The following DNAJC16 variants were observed in gnomAD, a reference collection of about 807,000 sequenced individuals.
The protein encoded by DNAJC16 is dnaJ homolog subfamily C member 16.
Under a neutral mutation model 92.7 loss-of-function variants are expected in DNAJC16, and 76 were observed. That is an observed-to-expected ratio of 0.82 (90% CI 0.68 to 0.99). DNAJC16 has a LOEUF of 0.99. DNAJC16 is among the 50% of genes least tolerant of loss of function. The pLI is 0.00. For synonymous variants in DNAJC16, 328 were observed against 358.7 expected, an observed-to-expected ratio of 0.91 and a Z score of 0.97; for missense variants, 869 against 942.4, an observed-to-expected ratio of 0.92 and a Z score of 1.02.
intron 3 of DNAJC16, among the ~76,000 whole-genome samples, chr1:15,535,514 G>C (rs1710759013): frequency 6.6e-6 from 1 of 152,178 alleles, no homozygotes; most frequent in South Asian, 2.1e-4. Flanking sequence ...ACTTGGGGAG[G>C]CTGAGGCATG....
rs1470354384 is a variant in DNAJC16, at chr1:15,536,482, C to G, written c.242C>G (p.Ser81Ter). ...TTTTTTCTTCCTTTATAGATTCTTT[C>G]AAATGAAGAAAAGAGATCAAATTAT... ...IQISKAYEIL[S>*]NEEKRSNYDQ... is the part of the protein sequence containing the mutation. The change falls in exon 4 of 15, where the codon TCA becomes TGA. Residue 81 changes from serine to a stop codon, truncating the protein, a stop_gained. Coordinates refer to ENST00000375847, the MANE Select transcript of DNAJC16 (RefSeq NM_015291.4). LOFTEE classifies it high-confidence loss of function. 6.4e-7 allele frequency: 1 copy of G among 1,573,960 alleles called. No individual in the cohort carries two copies. The highest frequency in any genetic ancestry group is 8.6e-7 in the Non-Finnish European group (1 of 1,164,278).
At chr1:15,534,130 A>G (rs1710724378) in intron 2 of DNAJC16, 107 bp from the exon 3 acceptor site, 2 of 1,051,894 alleles carry the variant, frequency 1.9e-6, no homozygotes, top group Non-Finnish European at 2.7e-6. Context: ...TTTCCTAACA[A>G]AATAGCCCTC....
At chr1:15,560,157 C>T (rs1638660010) in intron 8 of DNAJC16, 1 of 151,612 alleles carries the variant, frequency 6.6e-6, no homozygotes, top group Admixed American at 6.6e-5. Flanking sequence ...ACCAAATTGT[C>T]AGATGTGCCA....
intron 4 of DNAJC16, 85 bp downstream of exon 4, chr1:15,536,899 G>A (rs1710804273): frequency 5.8e-6 from 7 of 1,216,604 alleles, no homozygotes; most frequent in Non-Finnish European, 6.7e-6. Context: ...TGCCCAGGCT[G>A]GAGTACAGTG....
At chr1:15,534,021 C>G (rs1710722037) in intron 2 of DNAJC16, among the ~76,000 whole-genome samples, 1 of 152,100 alleles carries the variant, frequency 6.6e-6, no homozygotes, top group African/African-American at 2.4e-5. Context: ...GAAAACATGC[C>G]CTGCTGGAGT....
intron 4 of DNAJC16, among the ~76,000 whole-genome samples, chr1:15,537,160 G>GT (rs1475299464): frequency 3.9e-5 from 6 of 152,062 alleles, no homozygotes; most frequent in Admixed American, 1.3e-4. Context: ...CCCAAAGCAG[G>GT]TTTTTTAAAT....
At chr1:15,544,955 A>G (rs1287469099) in intron 5 of DNAJC16, among the ~76,000 whole-genome samples, 5 of 152,208 alleles carry the variant, frequency 3.3e-5, no homozygotes, top group African/African-American at 1.2e-4. Flanking sequence ...TCATGTGAAG[A>G]TATTTGTCTT....
chr1:15,544,494 G>T lies in DNAJC16; in HGVS notation c.670G>T (p.Gly224Trp). ...GCCCTCTATCCTAGGAATCATTAACGGGAAAATCTCCTTCTTCCACAATGC... is the reference window on the plus strand; with the variant it reads ...GCCCTCTATCCTAGGAATCATTAACTGGAAAATCTCCTTCTTCCACAATGC... Reference protein sequence around the residue: ...STPSILGIINGKISFFHNAVV... With the variant: ...STPSILGIINWKISFFHNAVV... The change falls in exon 5 of 15, where the codon GGG becomes TGG. Residue 224 changes from glycine to tryptophan, a missense_variant. By Grantham distance (184) the Gly-to-Trp change is radical. Coordinates refer to ENST00000375847, the MANE Select transcript of DNAJC16 (RefSeq NM_015291.4). 2 of 1,614,132 alleles carry T rather than the reference G, an allele frequency of 1.2e-6. No individual in the cohort carries two copies. The highest frequency in any genetic ancestry group is 1.7e-6 in the Non-Finnish European group (2 of 1,180,036).
At chr1:15,529,923 A>G (rs1710615401) in intron 2 of DNAJC16, among the ~76,000 whole-genome samples, 1 of 152,176 alleles carries the variant, frequency 6.6e-6, no homozygotes, top group Non-Finnish European at 1.5e-5. Flanking sequence ...TACCTAATAC[A>G]ATGTAACTGC....
chr1:15,565,953 T>C lies in DNAJC16; in HGVS notation c.1633T>C (p.Ser545Pro), dbSNP rs1172792343. The change falls in exon 12 of 15, where the codon TCT (serine) becomes CCT (proline). Residue 545 changes from serine to proline, a missense_variant. Transcript: ENST00000375847. ...EMMPLLSLIF[S>P]ALFILFGTVI... ...GATGCCCCTGCTGTCCCTGATCTTC[T>C]CTGCCCTCTTCATCCTCTTCGGCAC... 1 of 1,614,120 alleles carries C rather than the reference T, an allele frequency of 6.2e-7. No individual in the cohort carries two copies.
intron 4 of DNAJC16, 51 bp from the exon 5 acceptor site, chr1:15,544,348 G>C (rs746177521): frequency 2.0e-6 from 3 of 1,515,372 alleles, no homozygotes; most frequent in East Asian, 2.3e-5. Context: ...ACTTTTTCCA[G>C]CTGCCATGGA....
intron 4 of DNAJC16, among the ~76,000 whole-genome samples, chr1:15,537,672 T>C (rs1274862982): frequency 6.6e-6 from 1 of 152,224 alleles, no homozygotes; most frequent in Non-Finnish European, 1.5e-5. Flanking sequence ...TCAGTTCCCT[T>C]GCATTGTGGT....
At chr1:15,553,625 C>T (rs1342943641) in intron 7 of DNAJC16, among the ~76,000 whole-genome samples, 1 of 152,168 alleles carries the variant, frequency 6.6e-6, no homozygotes, top group Non-Finnish European at 1.5e-5. Context: ...AGGTGTGAAG[C>T]TCAGTGAATT....
intron 6 of DNAJC16, 46 bp downstream of exon 6, chr1:15,546,917 T>TTTCTTTTCTTTTC: frequency 3.3e-6 from 1 of 307,320 alleles, no homozygotes; most frequent in African/African-American, 3.9e-5. Context: ...TTTCTTTTCT[T>TTTCTTTTCTTTTC]TTTTTTTTTT....
intron 6 of DNAJC16, among the ~76,000 whole-genome samples, 172 bp downstream of exon 6, chr1:15,547,043 A>G (rs1638325933): frequency 6.6e-6 from 1 of 151,268 alleles, no homozygotes; most frequent in East Asian, 1.9e-4. Context: ...CATAACCATC[A>G]TACATTGAGT....
At chr1:15,567,401 C>T (rs1462365412) in intron 14 of DNAJC16, 132 bp downstream of exon 14, 2 of 922,962 alleles carry the variant, frequency 2.2e-6, no homozygotes, top group Non-Finnish European at 1.6e-6. Flanking sequence ...GTGACCTTTC[C>T]AATCCAGACA....
At chr1:15,563,663 TAAAAAAAAAAA>T (rs57751838) in intron 9 of DNAJC16, among the ~76,000 whole-genome samples, 552 of 53,204 alleles carry the variant, frequency 0.01, 9 homozygotes, top group Middle Eastern at 0.069. Context: ...CCATCTCTAC[TAAAAAAAAAAA>T]AAAAAAAAAA....
At chr1:15,537,759 G>A (rs1323680690) in intron 4 of DNAJC16, among the ~76,000 whole-genome samples, 1 of 152,180 alleles carries the variant, frequency 6.6e-6, no homozygotes, top group Non-Finnish European at 1.5e-5. Flanking sequence ...TATTTTACAG[G>A]TGAGGGAACT....
rs1319870596 is a variant in DNAJC16, at chr1:15,544,594, G to A, written c.759+11G>A. 5.6e-6 allele frequency: 9 copies of A among 1,613,440 alleles called. No individual in the cohort carries two copies. The South Asian group carries it at 7.7e-5, about 14-fold the overall frequency. ...AACTTGGTGGAGAAAGTAAGTATCT[G>A]TCAAGGAAACTATGGCTGAGAAGTA... On this transcript the variant is annotated intron_variant, in intron 5 of 14. Coordinates refer to ENST00000375847, the MANE Select transcript of DNAJC16 (RefSeq NM_015291.4).
Sources: allele counts gnomAD v4.1 joint callset (sites outside exome capture counted in the v4.1 genomes callset), GRCh38; gene constraint gnomAD v4.1.1; transcripts MANE v1.5; gene names NCBI Gene and HGNC (gene_info 2026-07-23, HGNC 2026-07-21).